The following SLC25A21 variants were observed in gnomAD, a reference collection of about 807,000 sequenced individuals.
SLC25A21 encodes solute carrier family 25 member 21.
A neutral mutation model predicts 43.8 loss-of-function variants in SLC25A21; 47 were observed. The ratio of observed to expected loss-of-function variants is 1.07; its 90% CI spans 0.85 to 1.37. The LOEUF is 1.37. SLC25A21 is among the 40% of genes most tolerant of loss of function. SLC25A21 has a pLI of 0.00. For synonymous variants in SLC25A21, 131 were observed against 121.3 expected (o/e 1.08, Z -0.52); for missense variants, 352 against 350.2 (o/e 1.00, Z -0.04).
At chr14:36,837,910 G>A (rs564387351) in intron 2 of SLC25A21, among the ~76,000 whole-genome samples, 5 of 152,098 alleles carry the variant, frequency 3.3e-5, no homozygotes, top group Admixed American at 6.6e-5. Context: ...TCCCAGTGCC[G>A]GGACAGCAGG....
intron 1 of SLC25A21, among the ~76,000 whole-genome samples, chr14:37,104,857 G>C (rs1962882826): frequency 6.6e-6 from 1 of 152,172 alleles, no homozygotes; most frequent in Non-Finnish European, 1.5e-5. Context: ...AATCCAAGAA[G>C]GGAACAGCCC....
At chr14:36,734,355 C>A in intron 4 of SLC25A21, 152 bp downstream of exon 4, 1 of 521,162 alleles carries the variant, frequency 1.9e-6, no homozygotes, top group South Asian at 4.4e-5. Context: ...AGAGACTGAC[C>A]AAGTCTAATT....
intron 1 of SLC25A21, among the ~76,000 whole-genome samples, chr14:37,011,405 AAAGT>A: frequency 6.6e-6 from 1 of 152,134 alleles, no homozygotes; most frequent in East Asian, 1.9e-4. Context: ...TGAGATAATA[AAAGT>A]AATAAAGATT....
chr14:37,082,570 A>G (rs572750607), intron 1 of SLC25A21, among the ~76,000 whole-genome samples: 1 of 152,286 alleles, frequency 6.6e-6, no homozygotes, highest in African/African-American at 2.4e-5. Context: ...GGTTATGAAG[A>G]ATGAATTAAC....
At chr14:37,076,463 G>A (rs916541598) in intron 1 of SLC25A21, among the ~76,000 whole-genome samples, 5 of 151,332 alleles carry the variant, frequency 3.3e-5, no homozygotes, top group East Asian at 1.9e-4. Flanking sequence ...GTGAGCCACC[G>A]CACCCAGCCT....
intron 1 of SLC25A21, among the ~76,000 whole-genome samples, chr14:36,963,571 A>C (rs1959545804): frequency 6.6e-6 from 1 of 152,138 alleles, no homozygotes; most frequent in South Asian, 2.1e-4. Context: ...GGTATTCTGA[A>C]CCTTCTCAGT....
chr14:36,711,261 G>A (rs552701690), intron 7 of SLC25A21, 57 bp downstream of exon 7: 1 of 1,488,924 alleles, frequency 6.7e-7, no homozygotes, highest in Non-Finnish European at 9.3e-7. Context: ...TCTACAAACG[G>A]AGCTATCATC....
chr14:36,732,212 A>AT (rs1884854665), intron 4 of SLC25A21, among the ~76,000 whole-genome samples: 1 of 151,212 alleles, frequency 6.6e-6, no homozygotes, highest in Non-Finnish European at 1.5e-5. Context: ...TATTCATCTA[A>AT]TATCAACTGA....
chr14:37,035,881 A>T (rs1475721763), intron 1 of SLC25A21, among the ~76,000 whole-genome samples: 5 of 152,214 alleles, frequency 3.3e-5, no homozygotes, highest in Admixed American at 2.0e-4. Flanking sequence ...ATGATTTTTT[A>T]AAAACATATT....
chr14:37,064,726 G>C (rs1962025080), intron 1 of SLC25A21, among the ~76,000 whole-genome samples: 1 of 152,112 alleles, frequency 6.6e-6, no homozygotes, highest in African/African-American at 2.4e-5. Context: ...TTGGTTTACT[G>C]TACTGCTCAT....
chr14:36,779,634 A>G (rs1348305913), intron 3 of SLC25A21, among the ~76,000 whole-genome samples: 2 of 131,430 alleles, frequency 1.5e-5, no homozygotes, highest in Non-Finnish European at 1.6e-5. Flanking sequence ...ATATATATAT[A>G]TATATATATG....
intron 1 of SLC25A21, among the ~76,000 whole-genome samples, chr14:36,951,756 C>A (rs1232609420): frequency 6.6e-6 from 1 of 152,166 alleles, no homozygotes; most frequent in East Asian, 1.9e-4. Flanking sequence ...TTCAGAGCTT[C>A]TAATACAGGC....
intron 3 of SLC25A21, among the ~76,000 whole-genome samples, chr14:36,764,085 AAGGAAGGAAGGAAGGAAGGAAG>A (rs1886283412): frequency 1.8e-5 from 1 of 55,656 alleles, no homozygotes; most frequent in Admixed American, 2.3e-4. Flanking sequence ...AGAAAGAAGG[AAGGAAGGAAGGAAGGAAGGAAG>A]GAAGGAAAGA....
In SLC25A21 at chr14:36,729,511, G is replaced by C; in HGVS notation, c.326C>G (p.Ala109Gly). The C allele has an allele frequency of 6.2e-7, 1 of 1,605,442 alleles. No individual in the cohort carries two copies. Among genetic ancestry groups the C allele is most frequent in the Non-Finnish European group, 8.5e-7 (1 of 1,176,186 alleles). Residue 109 changes from alanine (A) to glycine (G), a missense_variant, in exon 5 of 10, where the codon GCA becomes GGA. Ala to Gly is a moderately conservative substitution (Grantham distance 60). Coordinates refer to ENST00000331299, the MANE Select transcript of SLC25A21 (RefSeq NM_030631.4). ...KLLGYVSLSP[A>G]LTFAIAGLGS... is the part of the protein sequence containing the mutation. ...ATAATAAATACTCTCACTTACCAAT[G>C]CTGGTGACAGTGACACATATCCCAG...
Position 36,695,403 on chromosome 14 carries a change from C to T in SLC25A21, c.604-10478G>A, listed in dbSNP as rs531819275. ...TGTCTTGGCAATGCAGGCTCTTTTT[C>T]GGTTCCATATGAATTTTAAAGTAGT... On this transcript the variant is annotated intron_variant, in intron 7 of 9. Coordinates refer to ENST00000331299, the MANE Select transcript of SLC25A21 (RefSeq NM_030631.4). Among the ~76,000 whole-genome samples, 28 of 152,152 alleles carry T rather than the reference C, an allele frequency of 1.8e-4. No homozygotes were observed. In the East Asian group the frequency reaches 3.5e-3, roughly 19 times the overall value.
chr14:37,150,562 C>G (rs1963741213), intron 1 of SLC25A21, among the ~76,000 whole-genome samples: 1 of 152,086 alleles, frequency 6.6e-6, no homozygotes, highest in South Asian at 2.1e-4. Flanking sequence ...AGATGCTTTG[C>G]AATAGTGGAA....
At chr14:36,894,794 T>C (rs1891188637) in intron 1 of SLC25A21, among the ~76,000 whole-genome samples, 1 of 152,270 alleles carries the variant, frequency 6.6e-6, no homozygotes, top group African/African-American at 2.4e-5. Context: ...TCTATTGAGA[T>C]AATCATGTGG....
At chr14:36,741,864 C>A (rs1051152892) in intron 3 of SLC25A21, among the ~76,000 whole-genome samples, 1 of 152,166 alleles carries the variant, frequency 6.6e-6, no homozygotes, top group Admixed American at 6.5e-5. Context: ...AGCATTAACA[C>A]GTCTGTATAC....
intron 2 of SLC25A21, among the ~76,000 whole-genome samples, chr14:36,821,902 A>T (rs1888650121): frequency 6.6e-6 from 1 of 152,228 alleles, no homozygotes; most frequent in African/African-American, 2.4e-5. Context: ...CTTAGCACTG[A>T]CTGAGCTCAA....
Sources: gnomAD v4.1 joint callset for allele counts (sites outside exome capture counted in the v4.1 genomes callset) on GRCh38, gnomAD v4.1.1 for gene constraint, MANE v1.5 for transcripts, NCBI Gene and HGNC (gene_info 2026-07-23, HGNC 2026-07-21) for gene names.